Variants in PKNOX2 observed in about 807,000 individuals in gnomAD.
PKNOX2 encodes the protein PBX/knotted 1 homeobox 2.
Under a neutral mutation model 53.1 loss-of-function variants are expected in PKNOX2, and 14 were observed. The ratio of observed to expected loss-of-function variants is 0.26; its 90% CI spans 0.17 to 0.41. The LOEUF (loss-of-function observed/expected upper bound fraction) is 0.41, where lower values mean the gene tolerates loss of function less well. Ranked by LOEUF, PKNOX2 falls within the 10% of genes least tolerant of loss-of-function variation. The pLI, the probability that PKNOX2 is intolerant of heterozygous loss-of-function variation, is 1.00. For synonymous variants in PKNOX2, 257 were observed against 242.8 expected (o/e 1.06, Z -0.54); for missense variants, 496 against 602.8 (o/e 0.82, Z 1.85).
chr11:125,249,678 G>A (rs1341871083), intron 2 of PKNOX2, among the ~76,000 whole-genome samples: 2 of 152,064 alleles, frequency 1.3e-5, no homozygotes, highest in Admixed American at 6.5e-5. Flanking sequence ...TATCCAAGTG[G>A]GATTCTGGAA....
intron 3 of PKNOX2, 125 bp from the exon 4 acceptor site, chr11:125,351,159 C>A: frequency 1.4e-6 from 1 of 700,506 alleles, no homozygotes; most frequent in Non-Finnish European, 2.7e-6. Context: ...CCCTGAAGGG[C>A]GTGCAACCCT....
chr11:125,246,064 A>G (rs1179684465), intron 2 of PKNOX2, among the ~76,000 whole-genome samples: 2 of 152,198 alleles, frequency 1.3e-5, no homozygotes, highest in Admixed American at 1.3e-4. Context: ...CTACCTAGAG[A>G]TGTCCAGGGA....
chr11:125,185,516 C>T (rs185821407), intron 1 of PKNOX2, among the ~76,000 whole-genome samples: 115 of 152,252 alleles, frequency 7.6e-4, no homozygotes, highest in Non-Finnish European at 1.3e-3. Context: ...AGCAATAACT[C>T]TGCATTCTGC....
chr11:125,300,543 G>A (rs571264564), intron 2 of PKNOX2, among the ~76,000 whole-genome samples: 39 of 152,252 alleles, frequency 2.6e-4, no homozygotes, highest in South Asian at 6.2e-4. Context: ...TGAAAAGGAG[G>A]AAAGGTGTGT....
intron 2 of PKNOX2, among the ~76,000 whole-genome samples, chr11:125,249,477 C>T (rs1263546742): frequency 1.3e-5 from 2 of 152,162 alleles, no homozygotes; most frequent in African/African-American, 4.8e-5. Context: ...CTTCACTGAG[C>T]ATGTGCAGAC....
At chr11:125,349,627 C>T (rs570451447) in intron 3 of PKNOX2, among the ~76,000 whole-genome samples, 130 of 152,190 alleles carry the variant, frequency 8.5e-4, no homozygotes, top group Non-Finnish European at 1.1e-3. Flanking sequence ...AGGACCATGA[C>T]CTCCCTCTCC....
intron 2 of PKNOX2, among the ~76,000 whole-genome samples, chr11:125,326,222 T>C (rs1949809713): frequency 6.6e-6 from 1 of 152,050 alleles, no homozygotes; most frequent in Non-Finnish European, 1.5e-5. Context: ...GGGTCAGTAA[T>C]AGGGTGAGGA....
intron 5 of PKNOX2, among the ~76,000 whole-genome samples, chr11:125,383,968 A>G (rs993758220): frequency 1.3e-5 from 2 of 152,096 alleles, no homozygotes; most frequent in African/African-American, 2.4e-5. Context: ...CAAAACAAAA[A>G]CCTACATTGC....
rs1954496068 is a variant in PKNOX2, at chr11:125,397,758, C to A, written c.400-116C>A. 8.5e-6 allele frequency: 9 copies of A among 1,063,220 alleles called. No individual in the cohort carries two copies. In the Admixed American group the frequency reaches 1.9e-4, roughly 22 times the overall value. 65.9% of individuals were successfully genotyped at this position (1,063,220 alleles called of 1,614,324 possible). A position where few individuals can be genotyped will look rare whatever the true frequency, so the allele number is the denominator to read the frequency against. The stretch of plus-strand genomic sequence containing the variant: ...TTTGGCCAAGATCAAGTGTAGGAAG[C>A]ATGAGCTACGGCAGGGGGTGGGCTC... On this transcript the variant is annotated intron_variant, in intron 6 of 12. Transcript: ENST00000298282.
At chr11:125,356,856 T>C (rs1951646809) in intron 4 of PKNOX2, among the ~76,000 whole-genome samples, 1 of 152,210 alleles carries the variant, frequency 6.6e-6, no homozygotes. Flanking sequence ...TGGCTGTGAA[T>C]GGCCTCCATC....
intron 2 of PKNOX2, among the ~76,000 whole-genome samples, chr11:125,238,984 G>A (rs1238327468): frequency 6.6e-6 from 1 of 152,150 alleles, no homozygotes; most frequent in African/African-American, 2.4e-5. Context: ...TCCCAGGACT[G>A]CTATGAGGAC....
At chr11:125,274,588 G>A (rs967963615) in intron 2 of PKNOX2, among the ~76,000 whole-genome samples, 10 of 152,212 alleles carry the variant, frequency 6.6e-5, no homozygotes, top group African/African-American at 1.7e-4. Flanking sequence ...GCAAGGATGC[G>A]TGAACAAGGA....
intron 5 of PKNOX2, among the ~76,000 whole-genome samples, chr11:125,373,605 G>A (rs1591546687): frequency 6.6e-6 from 1 of 152,214 alleles, no homozygotes; most frequent in East Asian, 1.9e-4. Context: ...TTGGTGTCAG[G>A]CAGGAGCTTG....
intron 2 of PKNOX2, among the ~76,000 whole-genome samples, chr11:125,259,529 T>G (rs34574559): frequency 0.28 from 43,321 of 152,188 alleles, 6,548 homozygotes; most frequent in Non-Finnish European, 0.33. Flanking sequence ...CCCCCCTGCA[T>G]ATCAGCAGTC....
intron 3 of PKNOX2, among the ~76,000 whole-genome samples, chr11:125,339,027 C>T (rs1950553018): frequency 6.6e-6 from 1 of 152,220 alleles, no homozygotes; most frequent in South Asian, 2.1e-4. Flanking sequence ...ATGAAACACT[C>T]CTCCTCTGTG....
intron 2 of PKNOX2, among the ~76,000 whole-genome samples, chr11:125,244,831 G>A (rs536246506): frequency 2.0e-5 from 3 of 152,308 alleles, no homozygotes; most frequent in African/African-American, 7.2e-5. Flanking sequence ...AGGGCAGGGT[G>A]CTTGTGAGAC....
intron 6 of PKNOX2, among the ~76,000 whole-genome samples, chr11:125,395,221 T>C (rs559160755): frequency 2.0e-5 from 3 of 152,352 alleles, no homozygotes; most frequent in South Asian, 2.1e-4. Context: ...TCCCTTGCAA[T>C]CTATCCACAT....
At chr11:125,314,961 C>T (rs1949065954) in intron 2 of PKNOX2, among the ~76,000 whole-genome samples, 1 of 152,158 alleles carries the variant, frequency 6.6e-6, no homozygotes, top group South Asian at 2.1e-4. Flanking sequence ...GGGTTCTGGC[C>T]AGAGGCTCTC....
chr11:125,259,859 CATTCTTTTTTTTTTA>C (rs1232079983), intron 2 of PKNOX2, among the ~76,000 whole-genome samples: 1 of 151,994 alleles, frequency 6.6e-6, no homozygotes, highest in African/African-American at 2.4e-5. Flanking sequence ...ATCCCACCCC[CATTCTTTTTTTTTTA>C]ATTCTTTTTT....
Sources: gnomAD v4.1 joint callset for allele counts (sites outside exome capture counted in the v4.1 genomes callset) on GRCh38, gnomAD v4.1.1 for gene constraint, MANE v1.5 for transcripts, NCBI Gene and HGNC (gene_info 2026-07-23, HGNC 2026-07-21) for gene names.